The following PRKACB variants were observed in gnomAD, a reference collection of about 807,000 sequenced individuals.
The protein encoded by PRKACB is protein kinase cAMP-activated catalytic subunit beta.
PRKACB carries 16 observed loss-of-function variants against 51.4 expected under a neutral mutation model. The observed-to-expected ratio is 0.31, with a 90% CI of 0.21 to 0.47. The LOEUF (loss-of-function observed/expected upper bound fraction) is 0.47, where lower values mean the gene tolerates loss of function less well. Among genes scored for constraint, PRKACB ranks in the 20% least tolerant of loss-of-function variants. PRKACB has a pLI of 1.00. For synonymous variants in PRKACB, 147 were observed against 154.4 expected, an observed-to-expected ratio of 0.95 and a Z score of 0.35; for missense variants, 309 against 464.5, an observed-to-expected ratio of 0.67 and a Z score of 3.08.
intron 1 of PRKACB, among the ~76,000 whole-genome samples, chr1:84,108,617 A>G (rs967007349): frequency 1.3e-5 from 2 of 152,116 alleles, no homozygotes; most frequent in Non-Finnish European, 1.5e-5. Flanking sequence ...AGACCCTCCA[A>G]TAAGGAGTGT....
chr1:84,124,471 C>A (rs896878469), intron 1 of PRKACB, among the ~76,000 whole-genome samples: 1 of 152,150 alleles, frequency 6.6e-6, no homozygotes, highest in African/African-American at 2.4e-5. Context: ...AGGTTATTAT[C>A]TGAATGGTGA....
At chr1:84,229,915 G>T (rs531785077) in intron 9 of PRKACB, among the ~76,000 whole-genome samples, 2 of 151,812 alleles carry the variant, frequency 1.3e-5, no homozygotes, top group African/African-American at 4.8e-5. Context: ...TTCTTTTGAT[G>T]TGCAGAAGCT....
chr1:84,097,828 C>T (rs1254903447), intron 1 of PRKACB, among the ~76,000 whole-genome samples: 1 of 152,066 alleles, frequency 6.6e-6, no homozygotes, highest in East Asian at 1.9e-4. Flanking sequence ...TTTGCCCTTT[C>T]TCCACCTTTT....
At chr1:84,082,500 T>C (rs1432465780) in intron 1 of PRKACB, among the ~76,000 whole-genome samples, 2 of 152,222 alleles carry the variant, frequency 1.3e-5, no homozygotes, top group South Asian at 2.1e-4. Flanking sequence ...ACAGTACTTA[T>C]ATTTATTTTT....
At chr1:84,088,504 C>T (rs893954463) in intron 1 of PRKACB, among the ~76,000 whole-genome samples, 1 of 152,134 alleles carries the variant, frequency 6.6e-6, no homozygotes, top group Non-Finnish European at 1.5e-5. Flanking sequence ...TATATGTGAG[C>T]CACAAACTTG....
chr1:84,123,467 C>A (rs1651267488), intron 1 of PRKACB, among the ~76,000 whole-genome samples: 1 of 151,940 alleles, frequency 6.6e-6, no homozygotes, highest in African/African-American at 2.4e-5. Context: ...TGTACAACAA[C>A]AAAGTACTAA....
chr1:84,085,832 C>T (rs1202589809), intron 1 of PRKACB: 2 of 451,280 alleles, frequency 4.4e-6, no homozygotes, highest in African/African-American at 2.0e-5. Context: ...ACTTCTGGAG[C>T]CCTGCAGACC....
chr1:84,184,225 C>T, intron 4 of PRKACB, 90 bp downstream of exon 4: 1 of 1,124,666 alleles, frequency 8.9e-7, no homozygotes, highest in Non-Finnish European at 1.2e-6. Flanking sequence ...AGATGATAAG[C>T]CTGAAGAATA....
chr1:84,226,988 C>T (rs1674718282), intron 9 of PRKACB, among the ~76,000 whole-genome samples: 1 of 152,076 alleles, frequency 6.6e-6, no homozygotes, highest in East Asian at 1.9e-4. Context: ...ATGAGGGAGA[C>T]ATCCTCACTT....
intron 9 of PRKACB, among the ~76,000 whole-genome samples, chr1:84,216,040 A>G (rs1262764877): frequency 1.3e-5 from 2 of 152,080 alleles, no homozygotes; most frequent in African/African-American, 4.8e-5. Context: ...TTTACAAATG[A>G]TTACAGTAAC....
intron 5 of PRKACB, among the ~76,000 whole-genome samples, chr1:84,190,205 ATATT>A (rs1199070992): frequency 6.6e-6 from 1 of 151,954 alleles, no homozygotes; most frequent in African/African-American, 2.4e-5. Context: ...TAAGGGATTT[ATATT>A]TATTTAGCAA....
At chr1:84,092,058 T>A (rs763873799) in intron 1 of PRKACB, among the ~76,000 whole-genome samples, 8 of 152,210 alleles carry the variant, frequency 5.3e-5, no homozygotes, top group Non-Finnish European at 7.3e-5. Flanking sequence ...ATTGAGAAAC[T>A]ATGTTACAGT....
At chr1:84,195,912 CAAA>C (rs34855463) in intron 5 of PRKACB, among the ~76,000 whole-genome samples, 38 of 135,048 alleles carry the variant, frequency 2.8e-4, no homozygotes, top group Non-Finnish European at 2.9e-4. Context: ...GACTGTGTCT[CAAA>C]AAAAAAAAAA....
intron 1 of PRKACB, among the ~76,000 whole-genome samples, chr1:84,119,583 A>T (rs1571654611): frequency 6.6e-6 from 1 of 152,278 alleles, no homozygotes; most frequent in Middle Eastern, 3.4e-3. Context: ...CAGCCCGTAT[A>T]TCAATTTCTA....
At chr1:84,097,258 C>G (rs186763546) in intron 1 of PRKACB, among the ~76,000 whole-genome samples, 15 of 151,860 alleles carry the variant, frequency 9.9e-5, no homozygotes, top group African/African-American at 3.4e-4. Flanking sequence ...TAGGTATATA[C>G]CTATAAATGG....
At chr1:84,134,023 C>T (rs990743382) in intron 1 of PRKACB, among the ~76,000 whole-genome samples, 11 of 152,064 alleles carry the variant, frequency 7.2e-5, no homozygotes, top group Non-Finnish European at 1.5e-4. Flanking sequence ...TGGCTCTCAG[C>T]GGGAAAGGGA....
At chr1:84,082,880 A>G (rs542382510) in intron 1 of PRKACB, among the ~76,000 whole-genome samples, 2 of 152,168 alleles carry the variant, frequency 1.3e-5, no homozygotes, top group Non-Finnish European at 2.9e-5. Flanking sequence ...TTATTTGTGG[A>G]TCCTTACAAG....
intron 1 of PRKACB, among the ~76,000 whole-genome samples, chr1:84,129,169 A>C (rs1004827645): frequency 6.6e-6 from 1 of 152,174 alleles, no homozygotes; most frequent in Non-Finnish European, 1.5e-5. Flanking sequence ...GTTGAATAGT[A>C]AGATCATTGT....
intron 2 of PRKACB, among the ~76,000 whole-genome samples, chr1:84,180,035 A>G (rs1662721071): frequency 6.9e-6 from 1 of 145,290 alleles, no homozygotes; most frequent in Non-Finnish European, 1.5e-5. Flanking sequence ...TATGAGTGAG[A>G]ACATAAAGAC....
Sources: gnomAD v4.1 joint callset for allele counts (sites outside exome capture counted in the v4.1 genomes callset) on GRCh38, gnomAD v4.1.1 for gene constraint, MANE v1.5 for transcripts, NCBI Gene and HGNC (gene_info 2026-07-23, HGNC 2026-07-21) for gene names.